The following SMARCA4 variants were observed in gnomAD, a reference collection of about 807,000 sequenced individuals.
SMARCA4 encodes SWI/SNF-related matrix-associated actin-dependent regulator of chromatin subfamily A member 4.
SMARCA4 carries 31 observed loss-of-function variants against 193.9 expected under a neutral mutation model. That is an observed-to-expected ratio of 0.16 (90% CI 0.12 to 0.22). The LOEUF is 0.22. SMARCA4 is among the 10% of genes least tolerant of loss of function. The probability of loss-of-function intolerance (pLI) is 1.00; values close to 1 mark genes in which losing one functional copy is unlikely to be tolerated. For missense variants in SMARCA4, 1,148 were observed against 2,296.0 expected (o/e 0.50, Z 10.22); for synonymous variants, 942 against 933.1 (o/e 1.01, Z -0.17).
intron 13 of SMARCA4, among the ~76,000 whole-genome samples, chr19:11,007,417 G>A (rs2088331126): frequency 1.5e-5 from 2 of 132,220 alleles, no homozygotes; most frequent in South Asian, 2.5e-4. Context: ...GCAACAGAGT[G>A]ACACTTCGTC....
intron 22 of SMARCA4, 58 bp downstream of exon 22, chr19:11,025,566 G>A (rs572780419): frequency 7.9e-7 from 1 of 1,271,698 alleles, no homozygotes; most frequent in Non-Finnish European, 1.1e-6. Flanking sequence ...CTCCTAGGCA[G>A]AGCTGGCTTC....
rs1045815776 is a variant in SMARCA4, at chr19:11,016,316, G to A, written c.2439-2641G>A. The stretch of plus-strand genomic sequence containing the variant: ...CCATGACACAGATGCCTCCCACCAG[G>A]CCCCACCTCCAACATTGGAAATCAG... On this transcript the variant is annotated intron_variant, in intron 16 of 34. Transcript: ENST00000344626. Among the ~76,000 whole-genome samples, 15 of 152,278 alleles carry A rather than the reference G, an allele frequency of 9.9e-5. No homozygotes were observed. The East Asian group carries it at 2.3e-3, about 23-fold the overall frequency.
intron 1 of SMARCA4, among the ~76,000 whole-genome samples, chr19:10,969,270 T>G (rs755269340): frequency 1.3e-5 from 2 of 152,138 alleles, no homozygotes; most frequent in Non-Finnish European, 2.9e-5. Context: ...TTTAAAAATT[T>G]ATGTTTTAGG....
chr19:11,041,644 C>T lies in SMARCA4; in HGVS notation c.4424+84C>T, dbSNP rs2075621804. The T allele has an allele frequency of 3.2e-6, 4 of 1,232,844 alleles. No individual in the cohort carries two copies. Among genetic ancestry groups the T allele is most frequent in the Non-Finnish European group, 4.6e-6 (4 of 863,966 alleles). 76.4% of individuals were successfully genotyped at this position (1,232,844 alleles called of 1,614,324 possible). A position where few individuals can be genotyped will look rare whatever the true frequency, so the allele number is the denominator to read the frequency against. ...CATCTGCACTCTGACTCTGCACACT[C>T]AGGCTTGGGCCGCTCACTCTTTCAC... On this transcript the variant is annotated intron_variant, in intron 30 of 34. Coordinates refer to ENST00000344626, the MANE Select transcript of SMARCA4 (RefSeq NM_003072.5). This position sits in a 1 kb window ranked among gnomAD's most constrained non-coding sequence, Gnocchi z 5.6.
At chr19:11,061,566 C>CG in intron 34 of SMARCA4, among the ~76,000 whole-genome samples, 1 of 152,218 alleles carries the variant, frequency 6.6e-6, no homozygotes, top group East Asian at 1.9e-4. Context: ...TTAGTAGAGA[C>CG]GGGGTTTCAC....
chr19:10,996,940 C>T (rs1324333789), intron 11 of SMARCA4, among the ~76,000 whole-genome samples: 1 of 152,128 alleles, frequency 6.6e-6, no homozygotes, highest in Non-Finnish European at 1.5e-5. Context: ...GGATGGCTCA[C>T]TGCAGCCTTG....
chr19:11,036,930 A>G (rs776764924), intron 29 of SMARCA4, among the ~76,000 whole-genome samples: 12 of 152,116 alleles, frequency 7.9e-5, no homozygotes, highest in Non-Finnish European at 1.2e-4. Flanking sequence ...TTTTCACGCA[A>G]TGTAACATGC....
Position 11,033,666 on chromosome 19 carries a change from G to A in SMARCA4, c.3775-101G>A. The A allele has an allele frequency of 1.3e-6, 1 of 775,992 alleles. No homozygotes were observed. Among genetic ancestry groups the A allele is most frequent in the Non-Finnish European group, 2.4e-6 (1 of 424,388 alleles). 48.1% of individuals were successfully genotyped at this position (775,992 alleles called of 1,614,324 possible). On this transcript the variant is annotated intron_variant, in intron 26 of 34. Coordinates refer to ENST00000344626, the MANE Select transcript of SMARCA4 (RefSeq NM_003072.5). The surrounding 1 kb of genome is among the most constrained non-coding windows in gnomAD (Gnocchi z 9.8). ...AGTGTGGGCTGAACGGAAAGAGGAT[G>A]AGTACTTGCTTTTTCTTTGAAGTGG...
intron 21 of SMARCA4, among the ~76,000 whole-genome samples, chr19:11,024,731 T>C (rs2090126746): frequency 6.6e-6 from 1 of 152,100 alleles, no homozygotes; most frequent in East Asian, 1.9e-4. Flanking sequence ...TTCTCTGTTA[T>C]TAAGTGAAAG....
At chr19:11,014,003 C>G (rs1445243230) in intron 16 of SMARCA4, among the ~76,000 whole-genome samples, 1 of 152,148 alleles carries the variant, frequency 6.6e-6, no homozygotes, top group African/African-American at 2.4e-5. Flanking sequence ...CCAGAAAGCC[C>G]CAGGGCCGGC....
In SMARCA4 at chr19:10,984,079, C is replaced by T. The variant is rs1225176016; in HGVS notation, c.-31-42C>T. 7.1e-6 allele frequency: 11 copies of T among 1,559,674 alleles called. No individual in the cohort carries two copies. The highest frequency in any genetic ancestry group is 8.8e-6 in the Non-Finnish European group (10 of 1,132,630). ...CCCTTGCTATCCCTGTCCTGCCTCG[C>T]CCTTGGTCATGAACCCCAGACTGAC... On this transcript the variant is annotated intron_variant, in intron 1 of 34. Transcript: ENST00000344626. The surrounding 1 kb of genome is among the most constrained non-coding windows in gnomAD (Gnocchi z 4.3).
rs1466508705 is a variant in SMARCA4 at position 10,985,884 on chromosome 19, G to A, written c.356-305G>A. Among the ~76,000 whole-genome samples the A allele has an allele frequency of 6.6e-6, 1 of 152,174 alleles. No individual in the cohort carries two copies. The highest frequency in any genetic ancestry group is 1.9e-4 in the East Asian group (1 of 5,190). ...TGTTGGGGGTGGGCCTGGCGAGCCC[G>A]AGGATGTGGACCCCGCCTGTGGACA... On this transcript the variant is annotated intron_variant, in intron 3 of 34. Transcript: ENST00000344626. The surrounding 1 kb of genome is among the most constrained non-coding windows in gnomAD (Gnocchi z 4.5).
intron 1 of SMARCA4, among the ~76,000 whole-genome samples, chr19:10,964,425 C>G (rs2084051075): frequency 6.6e-6 from 1 of 151,696 alleles, no homozygotes; most frequent in African/African-American, 2.4e-5. Flanking sequence ...ATTCTTCTGA[C>G]TCAGCCTCCT....
At chr19:11,029,901 C>A (rs1425235635) in intron 24 of SMARCA4, among the ~76,000 whole-genome samples, 1 of 152,164 alleles carries the variant, frequency 6.6e-6, no homozygotes, top group East Asian at 1.9e-4. Context: ...GTCTCGAACT[C>A]CTGTCCTCAG....
rs1179792801 is a variant in SMARCA4 at position 10,966,012 on chromosome 19, C to T, written c.-32+4838C>T. On this transcript the variant is annotated intron_variant, in intron 1 of 34. Transcript: ENST00000344626. ...TTTTTTTTTTTTTGAGGTGAAGTTT[C>T]GCTCTTGTTGCCCAGGCTGGAGCAC... Among the ~76,000 whole-genome samples, 7 of 97,108 alleles carry T rather than the reference C, an allele frequency of 7.2e-5. No individual in the cohort carries two copies. In the South Asian group the frequency reaches 2.2e-3, roughly 31 times the overall value. The allele number at this position is 97,108 out of a possible 152,430, so 63.7% of individuals were successfully genotyped here.
Position 10,984,768 on chromosome 19 carries a change from C to G in SMARCA4, c.222+395C>G, listed in dbSNP as rs1224352632. 2.0e-5 allele frequency among the ~76,000 whole-genome samples: 3 copies of G among 152,256 alleles called. No homozygotes were observed. Among genetic ancestry groups the G allele is most frequent in the African/African-American group, 4.8e-5 (2 of 41,476 alleles). On this transcript the variant is annotated intron_variant, in intron 2 of 34. Transcript: ENST00000344626. This position sits in a 1 kb window ranked among gnomAD's most constrained non-coding sequence, Gnocchi z 4.3. ...CACCTGTGCAGCTCGCAGAGCCGAG[C>G]AGCGGGTTCCCTTTCCTCCAAGGCG...
intron 9 of SMARCA4, 47 bp downstream of exon 9, chr19:10,995,048 G>C (rs1600069488): frequency 6.5e-7 from 1 of 1,538,192 alleles, no homozygotes; most frequent in East Asian, 2.4e-5. Context: ...TGTGTAGCTG[G>C]TACTGCGGGC....
In SMARCA4 at chr19:10,994,817, C is replaced by T. The variant is rs755672521; in HGVS notation, c.1420-11C>T. On this transcript the variant is annotated splice_polypyrimidine_tract_variant and intron_variant, in intron 8 of 34. Coordinates refer to ENST00000344626, the MANE Select transcript of SMARCA4 (RefSeq NM_003072.5). ...TGAAGGGTCAGCCTTCTCTTTTGTG[C>T]TTTCCTGCAGGAATACCTCAATAGC... 6.2e-7 allele frequency: 1 copy of T among 1,613,330 alleles called. No homozygotes were observed. Among genetic ancestry groups the T allele is most frequent in the Non-Finnish European group, 8.5e-7 (1 of 1,179,370 alleles).
Position 11,019,365 on chromosome 19 carries a change from C to G in SMARCA4, c.2506-226C>G. On this transcript the variant is annotated intron_variant, in intron 17 of 34. Transcript: ENST00000344626. This position sits in a 1 kb window ranked among gnomAD's most constrained non-coding sequence, Gnocchi z 6.1. Reference sequence around the variant, plus strand: ...CAGGCTGCGTGGTTCCCTCAGGCCCCGGCCGCCGCTGGCCTGCACTGCTTC... The same window carrying G: ...CAGGCTGCGTGGTTCCCTCAGGCCCGGGCCGCCGCTGGCCTGCACTGCTTC... 1 of 606,382 alleles carries G rather than the reference C, an allele frequency of 1.6e-6. No individual in the cohort carries two copies. Among genetic ancestry groups the G allele is most frequent in the Non-Finnish European group, 2.9e-6 (1 of 339,444 alleles). The allele number at this position is 606,382 out of a possible 1,614,324, so 37.6% of individuals were successfully genotyped here. A position where few individuals can be genotyped will look rare whatever the true frequency, so the allele number is the denominator to read the frequency against.
Sources: gnomAD v4.1 joint callset for allele counts (sites outside exome capture counted in the v4.1 genomes callset) on GRCh38, gnomAD v4.1.1 for gene constraint, Gnocchi (gnomAD v3.1) non-coding constraint, MANE v1.5 for transcripts, NCBI Gene and HGNC (gene_info 2026-07-23, HGNC 2026-07-21) for gene names.